The following JMJD1C variants were observed in gnomAD, a reference collection of about 807,000 sequenced individuals.
The protein encoded by JMJD1C is jumonji domain-containing protein 1C.
Under a neutral mutation model 245.3 loss-of-function variants are expected in JMJD1C, and 31 were observed. The observed-to-expected ratio is 0.13, with a 90% confidence interval of 0.09 to 0.17. The LOEUF (loss-of-function observed/expected upper bound fraction) is 0.17, where lower values mean the gene tolerates loss of function less well. Ranked by LOEUF, JMJD1C falls within the 10% of genes least tolerant of loss-of-function variation. The pLI is 1.00. For missense variants in JMJD1C, 2,691 were observed against 3,000.2 expected (o/e 0.90, Z 2.41); for synonymous variants, 1,057 against 1,017.4 (o/e 1.04, Z -0.74).
chr10:63,388,679 G>A (rs1253475409), intron 1 of JMJD1C, among the ~76,000 whole-genome samples: 3 of 152,092 alleles, frequency 2.0e-5, no homozygotes, highest in African/African-American at 4.8e-5. Context: ...CAGAAATTAA[G>A]TAATAGAATA....
At chr10:63,204,362 A>T in intron 10 of JMJD1C, 1 of 985,346 alleles carries the variant, frequency 1.0e-6, no homozygotes, top group South Asian at 4.7e-5. Context: ...CTTTTCTTAG[A>T]ACTCTTACAT....
intron 2 of JMJD1C, among the ~76,000 whole-genome samples, chr10:63,350,374 C>T (rs1289960444): frequency 2.6e-5 from 4 of 152,162 alleles, no homozygotes; most frequent in South Asian, 4.1e-4. Flanking sequence ...TGATTAAATA[C>T]CAACTACTGT....
intron 2 of JMJD1C, among the ~76,000 whole-genome samples, chr10:63,336,588 A>C (rs553325184): frequency 2.0e-5 from 3 of 152,290 alleles, no homozygotes; most frequent in South Asian, 2.1e-4. Flanking sequence ...CTATAGAATA[A>C]ATAAAAAAGA....
chr10:63,192,435 AT>A (rs1844949432), intron 16 of JMJD1C, among the ~76,000 whole-genome samples: 1 of 151,944 alleles, frequency 6.6e-6, no homozygotes, highest in Admixed American at 6.6e-5. Context: ...GGGCATGGTG[AT>A]GCATGCCTTT....
chr10:63,296,016 T>TTTTC (rs1859390868), intron 2 of JMJD1C, among the ~76,000 whole-genome samples: 1 of 125,092 alleles, frequency 8.0e-6, no homozygotes, highest in Non-Finnish European at 1.7e-5. Flanking sequence ...TATATATATT[T>TTTTC]TTTTTTTTTT....
rs57924641 is a variant in JMJD1C at position 63,491,822 on chromosome 10, C to T, written n.113+29916G>A. 1.2e-3 allele frequency among the ~76,000 whole-genome samples: 188 copies of T among 152,342 alleles called. 2 individuals are homozygous for T. The highest frequency in any genetic ancestry group is 3.4e-3 in the Middle Eastern group (1 of 294). On this transcript the variant is annotated intron_variant and non_coding_transcript_variant, in intron 1 of 3. Transcript: ENST00000633035. ...AACAAGGCAACTTTCAGAGAGCTTT[C>T]TAAGCAGTTGAATCAGATAGCTACT...
At chr10:63,202,713 A>C in intron 10 of JMJD1C, 1 of 985,386 alleles carries the variant, frequency 1.0e-6, no homozygotes, top group Non-Finnish European at 1.2e-6. Flanking sequence ...TATGGTATAA[A>C]CCCATTTCCA....
chr10:63,220,683 C>G (rs528700152), intron 3 of JMJD1C, among the ~76,000 whole-genome samples: 151 of 152,290 alleles, frequency 9.9e-4, no homozygotes, highest in Non-Finnish European at 1.7e-3. Flanking sequence ...CCACTGGACT[C>G]TGATATTCTG....
intron 3 of JMJD1C, among the ~76,000 whole-genome samples, chr10:63,241,757 T>C (rs1029910633): frequency 1.3e-5 from 2 of 152,230 alleles, no homozygotes; most frequent in Admixed American, 6.5e-5. Flanking sequence ...GTTATTTTGT[T>C]TGCCATCTGT....
At chr10:63,244,303 C>G (rs1244955301) in intron 3 of JMJD1C, among the ~76,000 whole-genome samples, 5 of 152,158 alleles carry the variant, frequency 3.3e-5, no homozygotes, top group Non-Finnish European at 7.3e-5. Flanking sequence ...TTTGGGACTC[C>G]TGGCACTCCT....
chr10:63,294,794 C>G (rs1859182597), intron 2 of JMJD1C, among the ~76,000 whole-genome samples: 1 of 152,122 alleles, frequency 6.6e-6, no homozygotes, highest in Admixed American at 6.6e-5. Context: ...AAGATTTCTT[C>G]AATTTTGTTT....
At chr10:63,349,183 G>A (rs1944124249) in intron 2 of JMJD1C, among the ~76,000 whole-genome samples, 1 of 143,710 alleles carries the variant, frequency 7.0e-6, no homozygotes, top group Non-Finnish European at 1.5e-5. Flanking sequence ...ATAAAAGGAA[G>A]CTCCCCAAAG....
Position 63,206,783 on chromosome 10 carries a change from C to T in JMJD1C, c.4886G>A (p.Gly1629Glu). 6.2e-7 allele frequency: 1 copy of T among 1,608,578 alleles called. No individual in the cohort carries two copies. The highest frequency in any genetic ancestry group is 8.5e-7 in the Non-Finnish European group (1 of 1,178,722). ...CTTGCTTTCACTTTCATCTGAGTCT[C>T]CACTTTCAGAGCCAGATTCATAAGT... ...KRTYESGSES[G>E]DSDESESKSE... Residue 1629 changes from glycine to glutamate, a missense_variant, in exon 10 of 26, where the codon GGA becomes GAA. Around this residue, in one of 9 missense-constraint regions of JMJD1C, gnomAD observed 144 missense variants for 143.3 expected, o/e 1.00. Transcript: ENST00000399262.
intron 2 of JMJD1C, among the ~76,000 whole-genome samples, chr10:63,321,156 T>C (rs1227673946): frequency 6.6e-6 from 1 of 152,222 alleles, no homozygotes; most frequent in East Asian, 1.9e-4. Flanking sequence ...CCCTTCCAGA[T>C]CCCATCCCAT....
At chr10:63,222,484 A>G (rs1848716615) in intron 3 of JMJD1C, 1 of 1,008,394 alleles carries the variant, frequency 9.9e-7, no homozygotes, top group African/African-American at 1.6e-5. Context: ...TTGTGGCAGT[A>G]GGAGAATGTG....
At chr10:63,317,697 A>G (rs1452406234) in intron 2 of JMJD1C, among the ~76,000 whole-genome samples, 1 of 152,196 alleles carries the variant, frequency 6.6e-6, no homozygotes, top group Non-Finnish European at 1.5e-5. Flanking sequence ...CTCCAACACC[A>G]GAATGCCAAT....
intron 2 of JMJD1C, among the ~76,000 whole-genome samples, chr10:63,330,624 T>C (rs570565359): frequency 1.3e-5 from 2 of 152,256 alleles, no homozygotes; most frequent in South Asian, 4.1e-4. Flanking sequence ...TCTCCTATTA[T>C]CATTTTTTCT....
chr10:63,386,280 A>G (rs1048861416), intron 1 of JMJD1C, among the ~76,000 whole-genome samples: 4 of 151,984 alleles, frequency 2.6e-5, no homozygotes, highest in African/African-American at 7.3e-5. Context: ...TGCCAGGGTC[A>G]ACACCCTAGC....
At chr10:63,378,754 G>A (rs967023526) in intron 2 of JMJD1C, among the ~76,000 whole-genome samples, 1 of 152,062 alleles carries the variant, frequency 6.6e-6, no homozygotes, top group Admixed American at 6.6e-5. Context: ...CTCATAAATT[G>A]TATCCAGTTT....
Sources: allele counts gnomAD v4.1 joint callset (sites outside exome capture counted in the v4.1 genomes callset), GRCh38; gene constraint gnomAD v4.1.1; regional missense constraint gnomAD v4.1.1; transcripts MANE v1.5; gene names NCBI Gene and HGNC (gene_info 2026-07-23, HGNC 2026-07-21).